ZFYVE28: variants seen among roughly 807,000 people sequenced by gnomAD.
ZFYVE28 encodes lateral signaling target protein 2 homolog.
A neutral mutation model predicts 82.1 loss-of-function variants in ZFYVE28; 40 were observed. The ratio of observed to expected loss-of-function variants is 0.49; its 90% CI spans 0.38 to 0.63. The LOEUF is 0.63. Ranked by LOEUF, ZFYVE28 falls within the 30% of genes least tolerant of loss-of-function variation. ZFYVE28 has a pLI of 0.00. For missense variants in ZFYVE28, 1,321 were observed against 1,242.1 expected, an observed-to-expected ratio of 1.06 and a Z score of -0.96; for synonymous variants, 612 against 546.1, an observed-to-expected ratio of 1.12 and a Z score of -1.68.
chr4:2,386,748 C>T (rs1256983388), intron 1 of ZFYVE28, among the ~76,000 whole-genome samples: 1 of 152,246 alleles, frequency 6.6e-6, no homozygotes, highest in African/African-American at 2.4e-5. Context: ...AACCCAAATG[C>T]CTTTTCTTTA....
chr4:2,338,038 G>C (rs989144036), intron 4 of ZFYVE28, among the ~76,000 whole-genome samples: 3 of 152,194 alleles, frequency 2.0e-5, no homozygotes, highest in Non-Finnish European at 4.4e-5. Flanking sequence ...GACCACCCTG[G>C]ACCCAGTGCT....
At chr4:2,294,786 G>A (rs1560151722) in intron 8 of ZFYVE28, among the ~76,000 whole-genome samples, 1 of 152,142 alleles carries the variant, frequency 6.6e-6, no homozygotes, top group Non-Finnish European at 1.5e-5. Context: ...GTCAACAGAC[G>A]CTTCACCAAA....
intron 1 of ZFYVE28, among the ~76,000 whole-genome samples, chr4:2,375,016 G>T (rs1453016668): frequency 6.6e-6 from 1 of 152,208 alleles, no homozygotes; most frequent in African/African-American, 2.4e-5. Context: ...CTAAGTCCTT[G>T]TCTTTCTCTA....
chr4:2,274,829 C>T (rs892890673), intron 8 of ZFYVE28, among the ~76,000 whole-genome samples: 1 of 152,196 alleles, frequency 6.6e-6, no homozygotes, highest in Admixed American at 6.5e-5. Context: ...AGACCGGAGA[C>T]GCGGCCCCAA....
rs560706543 is a variant in ZFYVE28, at chr4:2,380,271, G to T, written c.40-26198C>A. ...GGTAACTCACTAGTTGCCAAAGTAG[G>T]CTGGCCTCAGCTGCAATGCTGTTCC... On this transcript the variant is annotated intron_variant, in intron 1 of 12. Transcript: ENST00000290974. Among the ~76,000 whole-genome samples the T allele has an allele frequency of 8.5e-5, 13 of 152,270 alleles. No individual in the cohort carries two copies. In the South Asian group the frequency reaches 2.7e-3, roughly 32 times the overall value.
At chr4:2,349,637 G>C (rs1724069353) in intron 2 of ZFYVE28, among the ~76,000 whole-genome samples, 2 of 152,174 alleles carry the variant, frequency 1.3e-5, no homozygotes, top group Admixed American at 6.5e-5. Context: ...AGTGTTGTGT[G>C]TACACACAGC....
intron 6 of ZFYVE28, among the ~76,000 whole-genome samples, chr4:2,326,621 T>C (rs1182222434): frequency 1.3e-5 from 2 of 152,232 alleles, no homozygotes; most frequent in African/African-American, 4.8e-5. Flanking sequence ...AACATGTAGA[T>C]TTACTTGGGT....
intron 1 of ZFYVE28, among the ~76,000 whole-genome samples, chr4:2,386,314 C>G (rs7665358): frequency 0.058 from 8,807 of 152,220 alleles, 753 homozygotes; most frequent in African/African-American, 0.19. Flanking sequence ...GTGAAACCTC[C>G]TCTCTACCAA....
intron 1 of ZFYVE28, among the ~76,000 whole-genome samples, chr4:2,380,969 C>T (rs986605411): frequency 2.6e-5 from 4 of 152,070 alleles, no homozygotes; most frequent in East Asian, 1.9e-4. Context: ...AAAAGATATC[C>T]GAAAATGTGG....
intron 8 of ZFYVE28, among the ~76,000 whole-genome samples, chr4:2,274,668 C>G (rs1251594861): frequency 6.6e-6 from 1 of 152,198 alleles, no homozygotes; most frequent in Non-Finnish European, 1.5e-5. Flanking sequence ...AAAGGGGTCT[C>G]AGCAGGAGCA....
intron 8 of ZFYVE28, among the ~76,000 whole-genome samples, chr4:2,299,656 G>GA (rs1560159759): frequency 8.5e-3 from 2 of 236 alleles, no homozygotes; most frequent in East Asian, 0.062. Flanking sequence ...GAGGGAGGGA[G>GA]GAAGGAAAGA....
intron 5 of ZFYVE28, among the ~76,000 whole-genome samples, chr4:2,336,056 G>A (rs1365464032): frequency 6.6e-6 from 1 of 152,226 alleles, no homozygotes; most frequent in Non-Finnish European, 1.5e-5. Flanking sequence ...CTCTGCCCCA[G>A]GAGGCAGGGG....
At position 2,339,091 on chromosome 4, in the gene ZFYVE28, C is replaced by T. The variant is rs559000088; in HGVS notation, c.521+362G>A. Among the ~76,000 whole-genome samples, 2 of 152,296 alleles carry T rather than the reference C, an allele frequency of 1.3e-5. No individual in the cohort carries two copies. The highest frequency in any genetic ancestry group is 2.1e-4 in the South Asian group (1 of 4,830). On this transcript the variant is annotated intron_variant, in intron 4 of 12. Coordinates refer to ENST00000290974, the MANE Select transcript of ZFYVE28 (RefSeq NM_020972.3). This position sits in a 1 kb window ranked among gnomAD's most constrained non-coding sequence, Gnocchi z 5.0. The stretch of plus-strand genomic sequence containing the variant: ...CCTCTCAACGTGCTGGGATTACAGG[C>T]GTGAGCCACCGCACCCGCCTGGCTG...
At chr4:2,370,248 C>A (rs1039745447) in intron 1 of ZFYVE28, among the ~76,000 whole-genome samples, 1 of 152,114 alleles carries the variant, frequency 6.6e-6, no homozygotes, top group African/African-American at 2.4e-5. Context: ...TACCTGATGT[C>A]CCACAGCGGA....
At chr4:2,288,127 C>A (rs569385496) in intron 8 of ZFYVE28, among the ~76,000 whole-genome samples, 12 of 152,274 alleles carry the variant, frequency 7.9e-5, no homozygotes, top group African/African-American at 2.6e-4. Flanking sequence ...AAGGCACAGT[C>A]ACCATACAGC....
At chr4:2,369,568 C>T (rs1035626719) in intron 1 of ZFYVE28, among the ~76,000 whole-genome samples, 1 of 152,030 alleles carries the variant, frequency 6.6e-6, no homozygotes, top group African/African-American at 2.4e-5. Flanking sequence ...AGAATCTCAA[C>T]CTGAGACCAT....
chr4:2,274,317 C>T (rs192137753), intron 8 of ZFYVE28, 101 bp from the exon 9 acceptor site: 36 of 1,430,862 alleles, frequency 2.5e-5, no homozygotes, highest in South Asian at 1.5e-4. Flanking sequence ...TCCTCGCAGA[C>T]GCTCACCCCA....
intron 6 of ZFYVE28, chr4:2,329,279 C>A (rs142705904): frequency 6.1e-5 from 27 of 445,020 alleles, no homozygotes; most frequent in African/African-American, 4.8e-4. Flanking sequence ...TTAATTATGT[C>A]TTTAATTTTT....
At chr4:2,413,443 A>G (rs954253159) in intron 1 of ZFYVE28, among the ~76,000 whole-genome samples, 5 of 152,210 alleles carry the variant, frequency 3.3e-5, no homozygotes, top group African/African-American at 9.6e-5. Flanking sequence ...CACAGCTGAG[A>G]GAGACCGGTG....
Sources: allele counts gnomAD v4.1 joint callset (sites outside exome capture counted in the v4.1 genomes callset), GRCh38; gene constraint gnomAD v4.1.1; non-coding constraint Gnocchi (gnomAD v3.1); transcripts MANE v1.5; gene names NCBI Gene and HGNC (gene_info 2026-07-23, HGNC 2026-07-21).